Variants in PIWIL2 observed in about 807,000 individuals in gnomAD.
PIWIL2 encodes piwi-like protein 2.
Under a neutral mutation model 116.5 loss-of-function variants are expected in PIWIL2, and 81 were observed. The observed-to-expected ratio is 0.70, with a 90% CI of 0.58 to 0.84. The LOEUF (loss-of-function observed/expected upper bound fraction) is 0.84. PIWIL2 is among the 40% of genes least tolerant of loss of function. The pLI is 0.00. For synonymous variants in PIWIL2, 489 were observed against 429.5 expected (o/e 1.14, Z -1.71); for missense variants, 1,272 against 1,212.3 (o/e 1.05, Z -0.73).
At chr8:22,343,766 G>A (rs1256263580) in intron 20 of PIWIL2, among the ~76,000 whole-genome samples, 1 of 152,190 alleles carries the variant, frequency 6.6e-6, no homozygotes, top group Non-Finnish European at 1.5e-5. Flanking sequence ...AGAGCCATAG[G>A]AACGCTCACT....
At chr8:22,308,143 T>C in intron 14 of PIWIL2, 70 bp downstream of exon 14, 1 of 1,299,596 alleles carries the variant, frequency 7.7e-7, no homozygotes, top group Non-Finnish European at 1.1e-6. Context: ...GTGACTTTCC[T>C]TTTGTTGTCA....
chr8:22,352,476 C>T (rs531608673), intron 20 of PIWIL2, among the ~76,000 whole-genome samples: 14 of 152,298 alleles, frequency 9.2e-5, no homozygotes, highest in African/African-American at 2.9e-4. Flanking sequence ...AGTAAAGGGA[C>T]GTTTCACTTG....
intron 1 of PIWIL2, chr8:22,276,144 G>T (rs1830362389): frequency 6.6e-6 from 1 of 152,440 alleles, no homozygotes; most frequent in South Asian, 2.1e-4. Context: ...TAGCCTTCAA[G>T]AAAGGGAGTC....
chr8:22,305,786 C>T (rs934906743), intron 12 of PIWIL2, 141 bp from the exon 13 acceptor site: 27 of 654,462 alleles, frequency 4.1e-5, no homozygotes, highest in Non-Finnish European at 5.5e-5. Context: ...CATTTCACTG[C>T]TCTCTCCTCC....
At position 22,352,000 on chromosome 8, in the gene PIWIL2, A is replaced by G. The variant is rs1832384941; in HGVS notation, c.2404-959A>G. On this transcript the variant is annotated intron_variant, in intron 20 of 22. Transcript: ENST00000356766. ...AATTTTGTTGCCCAGGCTGGAGTGT[A>G]GTGGCACAATCTCAGCTTGCTGCAA... Among the ~76,000 whole-genome samples the G allele has an allele frequency of 1.3e-5, 2 of 152,222 alleles. 1 individual carries two copies. Among genetic ancestry groups the G allele is most frequent in the Admixed American group, 1.3e-4 (2 of 15,276 alleles).
At position 22,292,077 on chromosome 8, in the gene PIWIL2, C is replaced by T. The variant is rs551321025; in HGVS notation, c.1181+1731C>T. On this transcript the variant is annotated intron_variant, in intron 10 of 22. Transcript: ENST00000356766. ...TTTTGGCATGTGGACAGCTCAGGCA[C>T]AGACCTTAAGACAGAAACAGGCCTG... is the stretch of plus-strand genomic sequence containing the variant. Among the ~76,000 whole-genome samples the T allele has an allele frequency of 8.5e-5, 13 of 152,242 alleles. No individual in the cohort carries two copies. The East Asian group carries it at 1.5e-3, about 18-fold the overall frequency.
chr8:22,322,594 C>G (rs1235821336), intron 20 of PIWIL2, among the ~76,000 whole-genome samples: 7 of 151,472 alleles, frequency 4.6e-5, no homozygotes, highest in Non-Finnish European at 1.0e-4. Context: ...CCGTCCCGTC[C>G]TGTCCCGTCC....
intron 20 of PIWIL2, among the ~76,000 whole-genome samples, chr8:22,351,467 ATATATATATATATATAATT>A (rs1182073578): frequency 1.0e-5 from 1 of 97,350 alleles, no homozygotes; most frequent in African/African-American, 4.8e-5. Flanking sequence ...ATATATATAT[ATATATATATATATATAATT>A]TATATCTAAA....
intron 20 of PIWIL2, among the ~76,000 whole-genome samples, chr8:22,345,828 G>A (rs968730631): frequency 2.6e-5 from 4 of 152,152 alleles, no homozygotes; most frequent in Non-Finnish European, 5.9e-5. Flanking sequence ...TATGTTTAGT[G>A]AAATTTATTT....
intron 4 of PIWIL2, among the ~76,000 whole-genome samples, chr8:22,281,767 A>ATTTTTT (rs1313870060): frequency 4.2e-5 from 5 of 118,538 alleles, no homozygotes; most frequent in African/African-American, 1.3e-4. Context: ...GATCATGGTG[A>ATTTTTT]TTTTTTTTTT....
chr8:22,289,201 G>T (rs1233166850), intron 8 of PIWIL2, among the ~76,000 whole-genome samples: 1 of 141,740 alleles, frequency 7.1e-6, no homozygotes, highest in Non-Finnish European at 1.5e-5. Context: ...TCGCCAGGCT[G>T]TAGTGCAGTG....
intron 1 of PIWIL2, chr8:22,276,022 GCTT>G (rs1227244015): frequency 6.6e-6 from 1 of 152,258 alleles, no homozygotes; most frequent in African/African-American, 2.4e-5. Context: ...GCCGTCCAGC[GCTT>G]CTGAGTATGT....
At position 22,326,337 on chromosome 8, in the gene PIWIL2, A is replaced by G. The variant is rs940798484; in HGVS notation, c.2403+8062A>G. Among the ~76,000 whole-genome samples, 6 of 152,294 alleles carry G rather than the reference A, an allele frequency of 3.9e-5. No individual in the cohort carries two copies. In the East Asian group the frequency reaches 1.2e-3, roughly 29 times the overall value. Reference sequence around the variant, plus strand: ...GGAATATGAGACCAGCCTGGGCAACATGGTGAAACCCCCATCTCTATAAAA... The same window carrying G: ...GGAATATGAGACCAGCCTGGGCAACGTGGTGAAACCCCCATCTCTATAAAA... On this transcript the variant is annotated intron_variant, in intron 20 of 22. Coordinates refer to ENST00000356766, the MANE Select transcript of PIWIL2 (RefSeq NM_018068.5).
chr8:22,294,728 A>T (rs1335062678), intron 10 of PIWIL2, among the ~76,000 whole-genome samples: 1 of 150,042 alleles, frequency 6.7e-6, no homozygotes, highest in African/African-American at 2.5e-5. Context: ...AATGAGTCCT[A>T]TTGAAAAATA....
intron 8 of PIWIL2, 94 bp from the exon 9 acceptor site, chr8:22,289,753 C>T (rs1339512902): frequency 3.0e-5 from 22 of 741,226 alleles, no homozygotes; most frequent in South Asian, 2.6e-4. Flanking sequence ...CATTTCTAAC[C>T]GTTCAGACTT....
chr8:22,281,599 G>T, intron 4 of PIWIL2, 84 bp downstream of exon 4: 1 of 1,142,550 alleles, frequency 8.8e-7, no homozygotes, highest in Non-Finnish European at 1.2e-6. Flanking sequence ...AAGAAGAGTT[G>T]TGTCATCTCA....
chr8:22,285,676 C>CT (rs1563350109), intron 6 of PIWIL2, among the ~76,000 whole-genome samples: 1 of 151,752 alleles, frequency 6.6e-6, no homozygotes. Context: ...GGGTCTCAAT[C>CT]TGTCACCCAG....
intron 20 of PIWIL2, among the ~76,000 whole-genome samples, chr8:22,343,256 T>C (rs986200986): frequency 1.4e-5 from 2 of 147,676 alleles, no homozygotes; most frequent in African/African-American, 5.0e-5. Context: ...AATACAAAAT[T>C]AGCCGGGTGT....
chr8:22,290,393 A>G (rs758115053), intron 10 of PIWIL2, 47 bp downstream of exon 10: 10 of 1,111,436 alleles, frequency 9.0e-6, no homozygotes, highest in Non-Finnish European at 1.4e-5. Flanking sequence ...TGATTTTCTG[A>G]AAAGTTCAGT....
Sources: allele counts gnomAD v4.1 joint callset (sites outside exome capture counted in the v4.1 genomes callset), GRCh38; gene constraint gnomAD v4.1.1; transcripts MANE v1.5; gene names NCBI Gene and HGNC (gene_info 2026-07-23, HGNC 2026-07-21).